GABRR3: variants seen among roughly 807,000 people sequenced by gnomAD.
GABRR3 encodes the protein gamma-aminobutyric acid type A receptor subunit rho3, also known as gamma-aminobutyric acid receptor subunit rho-3.
Under a neutral mutation model 43.2 loss-of-function variants are expected in GABRR3, and 29 were observed. The ratio of observed to expected loss-of-function variants is 0.67; its 90% confidence interval spans 0.50 to 0.92. The LOEUF (loss-of-function observed/expected upper bound fraction) is 0.92, where lower values mean the gene tolerates loss of function less well. Ranked by LOEUF, GABRR3 falls within the 40% of genes least tolerant of loss-of-function variation. The pLI, the probability that GABRR3 is intolerant of heterozygous loss-of-function variation, is 0.00. For synonymous variants in GABRR3, 206 were observed against 195.9 expected, an observed-to-expected ratio of 1.05 and a Z score of -0.43; for missense variants, 576 against 572.3, an observed-to-expected ratio of 1.01 and a Z score of -0.07.
At chr3:98,004,674 C>G (rs72918408) in intron 7 of GABRR3, among the ~76,000 whole-genome samples, 4,483 of 146,726 alleles carry the variant, frequency 0.031, 209 homozygotes, top group African/African-American at 0.11. Context: ...GTGGTGAAGG[C>G]CAAGAAAAAA....
chr3:98,025,481 T>C lies in GABRR3; in HGVS notation c.238+86A>G, dbSNP rs1576050341. 1.6e-5 allele frequency: 13 copies of C among 812,954 alleles called. No homozygotes were observed. The East Asian group carries it at 3.5e-4, about 22-fold the overall frequency. The allele number at this position is 812,954 out of a possible 1,614,324, so 50.4% of individuals were successfully genotyped here. A position where few individuals can be genotyped will look rare whatever the true frequency, so the allele number is the denominator to read the frequency against. On this transcript the variant is annotated intron_variant, in intron 3 of 9. Coordinates refer to ENST00000621172, the Ensembl canonical transcript of GABRR3. ...TTTGTTTTAAACTGATGGACTTTACTTGCATTTTGGTCTTGTTTTAAATTT... is the reference window on the plus strand; with the variant it reads ...TTTGTTTTAAACTGATGGACTTTACCTGCATTTTGGTCTTGTTTTAAATTT...
intron 3 of GABRR3, among the ~76,000 whole-genome samples, chr3:98,019,129 A>AAAAAG (rs1158857407): frequency 8.7e-4 from 133 of 152,170 alleles, no homozygotes; most frequent in African/African-American, 3.1e-3. Context: ...AAGAAAAAGA[A>AAAAAG]AAAAGAAAAG....
intron 2 of GABRR3, among the ~76,000 whole-genome samples, chr3:98,026,126 G>A (rs1381348530): frequency 1.3e-5 from 2 of 152,140 alleles, no homozygotes; most frequent in African/African-American, 2.4e-5. Context: ...ATCTCTGCAC[G>A]AAGACAGCGA....
chr3:98,017,504 A>G, intron 4 of GABRR3, 151 bp downstream of exon 4: 2 of 643,582 alleles, frequency 3.1e-6, no homozygotes, highest in Non-Finnish European at 5.5e-6. Flanking sequence ...AGGATGGAAG[A>G]GAGCACAGCA....
chr3:98,029,312 C>T (rs1169068894), intron 2 of GABRR3, among the ~76,000 whole-genome samples: 3 of 152,144 alleles, frequency 2.0e-5, no homozygotes, highest in African/African-American at 7.2e-5. Flanking sequence ...TATTTCTATG[C>T]TCCCTCTTCT....
chr3:97,988,176 A>C (rs897558584), intron 9 of GABRR3, among the ~76,000 whole-genome samples: 9 of 151,990 alleles, frequency 5.9e-5, no homozygotes, highest in African/African-American at 2.2e-4. Context: ...TATGTCTGTG[A>C]AGGTACCATC....
At chr3:97,993,376 T>C (rs1052298879) in intron 8 of GABRR3, among the ~76,000 whole-genome samples, 1 of 152,214 alleles carries the variant, frequency 6.6e-6, no homozygotes, top group Non-Finnish European at 1.5e-5. Flanking sequence ...GGTAAACATG[T>C]ATTCAATTTA....
In GABRR3 at chr3:97,986,978, GA is replaced by G. The variant is rs1241999390; in HGVS notation, c.1108del (p.Ser370LeufsTer32). The stretch of plus-strand genomic sequence containing the variant: ...AACTGCATCAATATTGTACATCCTA[GA>G]AATCTGTCAAAAAACTTTTTTTTAA... On this transcript the variant is annotated frameshift_variant, in exon 10 of 10. Transcript: ENST00000621172. LOFTEE classifies it low-confidence loss of function (END_TRUNC). 1 of 1,558,980 alleles carries G rather than the reference GA, an allele frequency of 6.4e-7. No individual in the cohort carries two copies. Among genetic ancestry groups the G allele is most frequent in the African/African-American group, 1.4e-5 (1 of 72,364 alleles).
intron 2 of GABRR3, among the ~76,000 whole-genome samples, chr3:98,031,344 G>T (rs550426016): frequency 1.3e-5 from 2 of 152,250 alleles, no homozygotes; most frequent in African/African-American, 4.8e-5. Flanking sequence ...TTAAAAAATG[G>T]TTCACGTGGT....
chr3:98,007,425 G>A (rs1348903329), intron 7 of GABRR3, among the ~76,000 whole-genome samples: 1 of 152,174 alleles, frequency 6.6e-6, no homozygotes, highest in Admixed American at 6.5e-5. Flanking sequence ...TGATCACGTT[G>A]AGAAACTTCA....
chr3:98,008,828 A>G (rs1460016074), intron 6 of GABRR3, 128 bp downstream of exon 6: 2 of 376,480 alleles, frequency 5.3e-6, no homozygotes, highest in Non-Finnish European at 4.7e-6. Flanking sequence ...AGAAGCCACA[A>G]TTGTTTCAGT....
At chr3:97,990,122 G>A (rs754717743) in intron 9 of GABRR3, among the ~76,000 whole-genome samples, 1 of 152,116 alleles carries the variant, frequency 6.6e-6, no homozygotes, top group African/African-American at 2.4e-5. Flanking sequence ...TTCCCTCAGG[G>A]CAGGTGTTCT....
downstream of GABRR3, chr3:97,986,668 A>G: frequency 6.8e-7 from 1 of 1,462,012 alleles, no homozygotes. Context: ...AGTTGTATAC[A>G]TTTGAAATTC....
intron 2 of GABRR3, among the ~76,000 whole-genome samples, chr3:98,026,758 T>C (rs1199357990): frequency 6.6e-6 from 1 of 152,160 alleles, no homozygotes; most frequent in East Asian, 1.9e-4. Flanking sequence ...TTAATTCACA[T>C]CGGAAACCAA....
chr3:98,035,258 C>G (rs1707137671), exon 1 of GABRR3: 5 of 399,502 alleles, frequency 1.3e-5, no homozygotes, highest in Non-Finnish European at 2.3e-5. Flanking sequence ...CCTTTGGTCC[C>G]TTTTTCCGGG....
At chr3:97,992,059 G>A (rs1018518062) in intron 9 of GABRR3, among the ~76,000 whole-genome samples, 1 of 152,134 alleles carries the variant, frequency 6.6e-6, no homozygotes, top group Non-Finnish European at 1.5e-5. Flanking sequence ...ATAAGTTCTT[G>A]TAAAAGCAGG....
chr3:98,030,165 A>C (rs903472064), intron 2 of GABRR3, among the ~76,000 whole-genome samples: 12 of 151,836 alleles, frequency 7.9e-5, no homozygotes, highest in Non-Finnish European at 1.8e-4. Context: ...TGCAGGTGGG[A>C]GTATAAATAT....
Position 98,002,220 on chromosome 3 carries a change from A to C in GABRR3, c.755-453T>G, listed in dbSNP as rs1223126205. Among the ~76,000 whole-genome samples the C allele has an allele frequency of 3.3e-5, 5 of 152,202 alleles. No individual in the cohort carries two copies. In the East Asian group the frequency reaches 9.6e-4, roughly 29 times the overall value. On this transcript the variant is annotated intron_variant, in intron 7 of 9. Transcript: ENST00000621172. Reference sequence around the variant, plus strand: ...CTAGGTCATTGGATTTTGACCTGAGATGGAGACAGCTGGGGATTCAAAGGA... The same window carrying C: ...CTAGGTCATTGGATTTTGACCTGAGCTGGAGACAGCTGGGGATTCAAAGGA...
Position 97,990,210 on chromosome 3 carries a change from A to G in GABRR3, c.1104+2642T>C, listed in dbSNP as rs150800694. Among the ~76,000 whole-genome samples the G allele has an allele frequency of 1.2e-4, 19 of 152,204 alleles. No homozygotes were observed. In the East Asian group the frequency reaches 2.9e-3, roughly 23 times the overall value. On this transcript the variant is annotated intron_variant, in intron 9 of 9. Transcript: ENST00000621172. ...AGTTTTTACGCCCTTTTACTATATC[A>G]CTTGATCATCATAACAGCCCTGTGA...
Sources: gnomAD v4.1 joint callset for allele counts (sites outside exome capture counted in the v4.1 genomes callset) on GRCh38, gnomAD v4.1.1 for gene constraint, MANE v1.5 for transcripts, NCBI Gene and HGNC (gene_info 2026-07-23, HGNC 2026-07-21) for gene names.